The following L3MBTL4 variants were observed in gnomAD, a reference collection of about 807,000 sequenced individuals.
The protein encoded by L3MBTL4 is L3MBTL histone methyl-lysine binding protein 4, also known as lethal(3)malignant brain tumor-like protein 4.
A neutral mutation model predicts 84.5 loss-of-function variants in L3MBTL4; 70 were observed. The ratio of observed to expected loss-of-function variants is 0.83; its 90% confidence interval spans 0.68 to 1.01. The LOEUF is 1.01. L3MBTL4 is among the 50% of genes least tolerant of loss of function. L3MBTL4 has a pLI of 0.00. For missense variants in L3MBTL4, 715 were observed against 754.8 expected (o/e 0.95, Z 0.62); for synonymous variants, 274 against 259.8 (o/e 1.05, Z -0.52).
chr18:6,215,415 G>A (rs2046282169), intron 11 of L3MBTL4, among the ~76,000 whole-genome samples: 1 of 152,176 alleles, frequency 6.6e-6, no homozygotes, highest in Admixed American at 6.5e-5. Context: ...GTCCCTGAGA[G>A]AGTGGTACTG....
chr18:6,025,234 C>G (rs886523212), intron 16 of L3MBTL4: 1 of 152,176 alleles, frequency 6.6e-6, no homozygotes, highest in Non-Finnish European at 1.5e-5. Flanking sequence ...CAGCACTGAT[C>G]GCCCAGGTAA....
chr18:6,171,865 C>A lies in L3MBTL4; in HGVS notation c.1059G>T (p.Trp353Cys), dbSNP rs2043987097. ...CCAGTGGATGCCCTGTGACATCACA[C>A]CATCCGATCGGGTGGATATCAGGGC... ...ADSPDIHPIG[W>C]CDVTGHPLEV... Residue 353 changes from tryptophan to cysteine, a missense_variant, in exon 13 of 19, where the codon TGG becomes TGT. Coordinates refer to ENST00000317931, the MANE Select transcript of L3MBTL4 (RefSeq NM_001330559.2). 7.1e-6 allele frequency: 11 copies of A among 1,553,346 alleles called. No individual in the cohort carries two copies. Among genetic ancestry groups the A allele is most frequent in the African/African-American group, 1.4e-5 (1 of 73,340 alleles).
chr18:6,295,309 ACTCTCT>A (rs58507219), intron 4 of L3MBTL4, among the ~76,000 whole-genome samples: 67 of 62,732 alleles, frequency 1.1e-3, no homozygotes, highest in East Asian at 2.5e-3. Context: ...AACAACAACA[ACTCTCT>A]CTCTCTCTCT....
chr18:6,286,578 C>G (rs948406124), intron 4 of L3MBTL4, among the ~76,000 whole-genome samples: 2 of 152,010 alleles, frequency 1.3e-5, no homozygotes, highest in African/African-American at 4.8e-5. Flanking sequence ...GTGTGTATGC[C>G]CCAAACTGCA....
intron 1 of L3MBTL4, among the ~76,000 whole-genome samples, chr18:6,370,858 C>T (rs1288978495): frequency 6.6e-6 from 1 of 152,182 alleles, no homozygotes; most frequent in African/African-American, 2.4e-5. Context: ...TTTGGGTTTC[C>T]ATGACTGGAG....
chr18:6,244,716 T>C (rs1188969804), intron 5 of L3MBTL4, 128 bp from the exon 6 acceptor site: 11 of 668,066 alleles, frequency 1.6e-5, no homozygotes, highest in Non-Finnish European at 2.3e-5. Flanking sequence ...TAGAATGGTG[T>C]CTACCAGAGG....
chr18:6,211,021 A>C (rs942414899), intron 12 of L3MBTL4, among the ~76,000 whole-genome samples: 4 of 152,206 alleles, frequency 2.6e-5, no homozygotes, highest in African/African-American at 9.7e-5. Context: ...TTTTCACAAC[A>C]AGCCTGTGAG....
chr18:6,283,879 T>C (rs1045993618), intron 4 of L3MBTL4, among the ~76,000 whole-genome samples: 4 of 152,194 alleles, frequency 2.6e-5, no homozygotes, highest in Non-Finnish European at 4.4e-5. Flanking sequence ...TACACTTCCT[T>C]TCAAATATAA....
intron 16 of L3MBTL4, among the ~76,000 whole-genome samples, chr18:5,981,974 C>CTCTGTGTGTGTG (rs1555622566): frequency 7.3e-6 from 1 of 137,328 alleles, no homozygotes; most frequent in African/African-American, 2.8e-5. Flanking sequence ...TTTCAATATT[C>CTCTGTGTGTGTG]TGTGTGTGTG....
At chr18:6,138,323 G>C (rs1480463785) in intron 13 of L3MBTL4, 27 bp from the exon 14 acceptor site, 1 of 1,351,722 alleles carries the variant, frequency 7.4e-7, no homozygotes, top group East Asian at 2.3e-5. Context: ...AACATGCCTT[G>C]AAAACACCCT....
chr18:5,996,533 A>G (rs1343234658), intron 16 of L3MBTL4, among the ~76,000 whole-genome samples: 1 of 152,192 alleles, frequency 6.6e-6, no homozygotes, highest in African/African-American at 2.4e-5. Flanking sequence ...GCACTCTAGC[A>G]GCTGTGGCTA....
intron 4 of L3MBTL4, among the ~76,000 whole-genome samples, chr18:6,265,665 C>T (rs565881291): frequency 1.3e-5 from 2 of 152,206 alleles, no homozygotes; most frequent in East Asian, 3.9e-4. Context: ...TGTTTTGTGT[C>T]CTTACTTATG....
At chr18:6,099,840 T>C (rs561839640) in intron 14 of L3MBTL4, among the ~76,000 whole-genome samples, 2 of 152,014 alleles carry the variant, frequency 1.3e-5, no homozygotes, top group East Asian at 1.9e-4. Context: ...AATAAATCTA[T>C]ATATCTATAT....
chr18:6,021,661 T>C (rs558264157), intron 16 of L3MBTL4, among the ~76,000 whole-genome samples: 47 of 152,308 alleles, frequency 3.1e-4, no homozygotes, highest in African/African-American at 1.1e-3. Flanking sequence ...ACACTGATCC[T>C]TGGGGTTTCT....
rs34551806 is a variant in L3MBTL4, at chr18:5,990,770, GGTGTGTGT to G, written c.1445-21216_1445-21209del. On this transcript the variant is annotated intron_variant, in intron 16 of 18. Transcript: ENST00000317931. ...TTCAAACTTTAGTAGGGTTCATGTGGGTGTGTGTGTGTGTGTGTGTGTGTGTGTGTGTG... is the reference window on the plus strand; with the variant it reads ...TTCAAACTTTAGTAGGGTTCATGTGGGTGTGTGTGTGTGTGTGTGTGTGTG... 9.8e-5 allele frequency among the ~76,000 whole-genome samples: 14 copies of G among 142,366 alleles called. No homozygotes were observed. In the South Asian group the frequency reaches 2.7e-3, roughly 28 times the overall value. The allele number at this position is 142,366 out of a possible 152,430, so 93.4% of individuals were successfully genotyped here. A position where few individuals can be genotyped will look rare whatever the true frequency, so the allele number is the denominator to read the frequency against.
At position 5,973,569 on chromosome 18, in the gene L3MBTL4, A is replaced by T. The variant is rs115525901; in HGVS notation, c.1445-4007T>A. Among the ~76,000 whole-genome samples, 771 of 152,318 alleles carry T rather than the reference A, an allele frequency of 5.1e-3. 6 individuals carry two copies. Among genetic ancestry groups the T allele is most frequent in the African/African-American group, 0.018 (734 of 41,562 alleles). On this transcript the variant is annotated intron_variant, in intron 16 of 18. Transcript: ENST00000317931. ...TACAAAGCCCAGCACGATTTATGTC[A>T]CATCAGATACTCACTAAAAAGTTGT...
At chr18:6,099,484 C>G (rs1170019856) in intron 14 of L3MBTL4, among the ~76,000 whole-genome samples, 1 of 149,796 alleles carries the variant, frequency 6.7e-6, no homozygotes, top group East Asian at 2.0e-4. Flanking sequence ...GAGTTTTTAA[C>G]ATCTGCTGAG....
At chr18:6,292,418 C>T (rs2049907498) in intron 4 of L3MBTL4, among the ~76,000 whole-genome samples, 1 of 152,114 alleles carries the variant, frequency 6.6e-6, no homozygotes, top group Non-Finnish European at 1.5e-5. Flanking sequence ...TGGCTCAACA[C>T]CTGGAGATGA....
chr18:5,974,983 T>TAA (rs144190216), intron 16 of L3MBTL4, among the ~76,000 whole-genome samples: 10 of 151,186 alleles, frequency 6.6e-5, no homozygotes, highest in South Asian at 6.3e-4. Context: ...TTTTTTTTTT[T>TAA]AAAAAGAGGA....
Sources: gnomAD v4.1 joint callset for allele counts (sites outside exome capture counted in the v4.1 genomes callset) on GRCh38, gnomAD v4.1.1 for gene constraint, MANE v1.5 for transcripts, NCBI Gene and HGNC (gene_info 2026-07-23, HGNC 2026-07-21) for gene names.